ADRM1: variants seen among roughly 807,000 people sequenced by gnomAD.
The protein encoded by ADRM1 is ADRM1 26S proteasome ubiquitin receptor.
In ADRM1, 2 loss-of-function variants were observed where a neutral mutation model predicts 40.1. The observed-to-expected ratio is 0.05, with a 90% CI of 0.02 to 0.16. The LOEUF (loss-of-function observed/expected upper bound fraction) is 0.16, where lower values mean the gene tolerates loss of function less well. Ranked by LOEUF, ADRM1 falls within the 10% of genes least tolerant of loss-of-function variation. The pLI is 1.00. For missense variants in ADRM1, 467 were observed against 552.5 expected, an observed-to-expected ratio of 0.85 and a Z score of 1.55; for synonymous variants, 287 against 240.4, an observed-to-expected ratio of 1.19 and a Z score of -1.79.
rs1392217594 is a variant in ADRM1 at position 62,307,415 on chromosome 20, G to A, written c.586G>A (p.Gly196Arg). ...TGGACCTGGCCTGGCCAGCTTACTG[G>A]GGAGCAGTGGGCCTCCAGGGAGCAG... ...LTGPGLASLL[G>R]SSGPPGSSSS... Residue 196 changes from glycine to arginine, a missense_variant, in exon 6 of 10, where the codon GGG becomes AGG. Gly to Arg is a moderately radical substitution (Grantham distance 125). Coordinates refer to ENST00000253003, the MANE Select transcript of ADRM1 (RefSeq NM_007002.4). 2 of 1,606,660 alleles carry A rather than the reference G, an allele frequency of 1.2e-6. No individual in the cohort carries two copies. Among genetic ancestry groups the A allele is most frequent in the Non-Finnish European group, 1.7e-6 (2 of 1,178,430 alleles).
chr20:62,308,554 A>AG, intron 9 of ADRM1, 84 bp downstream of exon 9: 2 of 1,558,176 alleles, frequency 1.3e-6, no homozygotes, highest in Non-Finnish European at 1.7e-6. Context: ...AGTGGGGCTG[A>AG]GGGGGTAAAG....
At chr20:62,307,954 G>A in intron 7 of ADRM1, 67 bp from the exon 8 acceptor site, 1 of 1,568,582 alleles carries the variant, frequency 6.4e-7, no homozygotes, top group Non-Finnish European at 8.6e-7. Flanking sequence ...CTGAGTCCCT[G>A]CTTGCATGCC....
intron 3 of ADRM1, 104 bp from the exon 4 acceptor site, chr20:62,306,093 C>G (rs1984910506): frequency 6.7e-7 from 1 of 1,494,568 alleles, no homozygotes; most frequent in Non-Finnish European, 9.0e-7. Flanking sequence ...ACACGCGCCT[C>G]TGCGTCTCAG....
At chr20:62,306,033 C>A in intron 3 of ADRM1, 164 bp from the exon 4 acceptor site, 1 of 879,416 alleles carries the variant, frequency 1.1e-6, no homozygotes. Flanking sequence ...CACTGCCGTC[C>A]CCTCACCTGC....
chr20:62,307,300 C>T (rs993841842), intron 5 of ADRM1, 71 bp from the exon 6 acceptor site: 2 of 1,449,980 alleles, frequency 1.4e-6, no homozygotes, highest in Non-Finnish European at 1.9e-6. Flanking sequence ...CTCCTCTGGC[C>T]TGGGGAGGGG....
In ADRM1 at chr20:62,306,273, C is replaced by T. The variant is rs1984938614; in HGVS notation, c.407C>T (p.Ala136Val). The T allele has an allele frequency of 1.2e-6, 2 of 1,612,944 alleles. No individual in the cohort carries two copies. Among genetic ancestry groups the T allele is most frequent in the African/African-American group, 1.3e-5 (1 of 74,940 alleles). The change falls in exon 4 of 10, where the codon GCG becomes GTG. Residue 136 changes from alanine to valine, a missense_variant. Physicochemically the swap from Ala to Val is moderately conservative, Grantham distance 64. This residue lies in a region of ADRM1 where 418 missense variants were observed against 474.6 expected (regional missense o/e 0.88). Coordinates refer to ENST00000253003, the MANE Select transcript of ADRM1 (RefSeq NM_007002.4). ...EYLNNPPMPG[A>V]LGASGSSGHE... ...CTGAACAACCCCCCGATGCCTGGGG[C>T]GCTGGGGGCCAGCGGAAGCAGCGGC... is the stretch of plus-strand genomic sequence containing the variant.
chr20:62,303,525 C>G (rs771047275), intron 1 of ADRM1, 43 bp from the exon 2 acceptor site: 32 of 1,532,322 alleles, frequency 2.1e-5, no homozygotes, highest in Non-Finnish European at 2.7e-5. Flanking sequence ...GGACCGCAGG[C>G]GACAGTGACC....
intron 3 of ADRM1, among the ~76,000 whole-genome samples, chr20:62,305,172 A>G (rs920208337): frequency 5.9e-5 from 9 of 152,180 alleles, no homozygotes; most frequent in Non-Finnish European, 8.8e-5. Flanking sequence ...TACACAGATC[A>G]TTTTCCATAA....
At chr20:62,307,546 C>T (rs1418782284) in intron 6 of ADRM1, 50 bp from the exon 7 acceptor site, 25 of 1,600,030 alleles carry the variant, frequency 1.6e-5, no homozygotes, top group African/African-American at 2.7e-5. Context: ...TGCGAGTAGG[C>T]CCTGCCGTGT....
chr20:62,305,258 G>A (rs1326842421), intron 3 of ADRM1, among the ~76,000 whole-genome samples: 5 of 152,196 alleles, frequency 3.3e-5, no homozygotes, highest in Non-Finnish European at 7.3e-5. Flanking sequence ...GCAGTGTGGA[G>A]AGAGAAGGCC....
In ADRM1 at chr20:62,307,464, C is replaced by T. The variant is rs748556906; in HGVS notation, c.623+12C>T. On this transcript the variant is annotated intron_variant, in intron 6 of 9. Transcript: ENST00000253003. ...AGCTCCTCCTCCAGGTGAGCCTCATCGCTCCTGCCACGCAGGTGCCACGGT... is the reference window on the plus strand; with the variant it reads ...AGCTCCTCCTCCAGGTGAGCCTCATTGCTCCTGCCACGCAGGTGCCACGGT... The T allele has an allele frequency of 3.3e-5, 53 of 1,607,710 alleles. No homozygotes were observed. The highest frequency in any genetic ancestry group is 8.4e-5 in the Admixed American group (5 of 59,828).
At chr20:62,306,806 T>G (rs1985052283) in intron 5 of ADRM1, 72 bp downstream of exon 5, 2 of 1,376,756 alleles carry the variant, frequency 1.5e-6, no homozygotes, top group Non-Finnish European at 2.0e-6. Context: ...CTGTTTCCTT[T>G]AAACTTCTGC....
At chr20:62,307,561 C>T (rs756472891) in intron 6 of ADRM1, 35 bp from the exon 7 acceptor site, 15 of 1,602,546 alleles carry the variant, frequency 9.4e-6, no homozygotes, top group East Asian at 4.5e-5. Context: ...CCGTGTGGGG[C>T]GTGTCCGCTC....
intron 9 of ADRM1, 63 bp downstream of exon 9, chr20:62,308,533 G>A: frequency 6.4e-7 from 1 of 1,561,736 alleles, no homozygotes. Flanking sequence ...CTGTCCCCCT[G>A]GATCTGCAGA....
rs1394475729 is a variant in ADRM1 at position 62,307,638 on chromosome 20, C to T, written c.666C>T (p.Thr222=). Residue 222 remains threonine, a synonymous_variant, in exon 7 of 10, where the codon ACC becomes ACT. Coordinates refer to ENST00000253003, the MANE Select transcript of ADRM1 (RefSeq NM_007002.4). ...QSAAVTPSST[T]SSTRATPAPS... ...CAGCGGTCACCCCGTCATCCACCAC[C>T]TCTTCCACCCGTGCCACCCCAGCCC... is the stretch of plus-strand genomic sequence containing the variant. 4 of 1,611,936 alleles carry T rather than the reference C, an allele frequency of 2.5e-6. No individual in the cohort carries two copies. The highest frequency in any genetic ancestry group is 3.3e-5 in the Admixed American group (2 of 59,992).
At chr20:62,303,503 C>CG in intron 1 of ADRM1, 65 bp from the exon 2 acceptor site, 5 of 1,488,300 alleles carry the variant, frequency 3.4e-6, no homozygotes, top group Non-Finnish European at 4.5e-6. Flanking sequence ...CCCCAGGGGG[C>CG]GGGAGCTTGC....
rs369557468 is a variant in ADRM1 at position 62,306,795 on chromosome 20, T to C, written c.541+61T>C. The C allele has an allele frequency of 7.7e-5, 111 of 1,435,438 alleles. 1 individual carries two copies. The East Asian group carries it at 1.0e-3, about 14-fold the overall frequency. The allele number at this position is 1,435,438 out of a possible 1,614,324, so 88.9% of individuals were successfully genotyped here. On this transcript the variant is annotated intron_variant, in intron 5 of 9. Transcript: ENST00000253003. ...GCTGGGAATGCTTTGAGGCCCGGTCTCTGTTTCCTTTAAACTTCTGCTGGC... is the reference window on the plus strand; with the variant it reads ...GCTGGGAATGCTTTGAGGCCCGGTCCCTGTTTCCTTTAAACTTCTGCTGGC...
At position 62,303,589 on chromosome 20, in the gene ADRM1, C is replaced by T. The variant is rs771084636; in HGVS notation, c.21C>T (p.Leu7=). The T allele has an allele frequency of 3.8e-6, 6 of 1,585,162 alleles. No individual in the cohort carries two copies. In the African/African-American group the frequency reaches 6.8e-5, roughly 18 times the overall value. Residue 7 remains leucine (L), a synonymous_variant, in exon 2 of 10, where the codon CTC becomes CTT. Transcript: ENST00000253003. ...TCAGGATGACGACCTCAGGCGCGCT[C>T]TTTCCAAGCCTGGTGCCAGGCTCTC... MTTSGA[L]FPSLVPGSRG...
intron 7 of ADRM1, 78 bp downstream of exon 7, chr20:62,307,906 CTGCCTAGTGTGCGCGCCTGGGG>C (rs1308441200): frequency 6.5e-7 from 1 of 1,548,746 alleles, no homozygotes; most frequent in East Asian, 2.4e-5. Context: ...TCCAAGGCAT[CTGCCTAGTGTGCGCGCCTGGGG>C]TGCTGGGGCC....
Sources: allele counts gnomAD v4.1 joint callset (sites outside exome capture counted in the v4.1 genomes callset), GRCh38; gene constraint gnomAD v4.1.1; regional missense constraint gnomAD v4.1.1; transcripts MANE v1.5; gene names NCBI Gene and HGNC (gene_info 2026-07-23, HGNC 2026-07-21).